GALNT17: variants seen among roughly 807,000 people sequenced by gnomAD.
GALNT17 encodes the protein polypeptide N-acetylgalactosaminyltransferase 17.
GALNT17 carries 29 observed loss-of-function variants against 63.7 expected under a neutral mutation model. That is an observed-to-expected ratio of 0.46 (90% CI 0.34 to 0.62). The LOEUF (loss-of-function observed/expected upper bound fraction) is 0.62, where lower values mean the gene tolerates loss of function less well. Among genes scored for constraint, GALNT17 ranks in the 20% least tolerant of loss-of-function variants. The pLI is 0.01. For missense variants in GALNT17, 603 were observed against 799.6 expected, an observed-to-expected ratio of 0.75 and a Z score of 2.97; for synonymous variants, 305 against 318.3, an observed-to-expected ratio of 0.96 and a Z score of 0.45.
chr7:71,509,052 G>A (rs538349335), intron 5 of GALNT17, among the ~76,000 whole-genome samples: 1 of 152,226 alleles, frequency 6.6e-6, no homozygotes, highest in South Asian at 2.1e-4. Flanking sequence ...TTTGCCTTAC[G>A]ATGGTTCGAC....
intron 1 of GALNT17, among the ~76,000 whole-genome samples, chr7:71,182,559 T>C (rs769856496): frequency 1.3e-4 from 20 of 152,258 alleles, no homozygotes; most frequent in African/African-American, 1.7e-4. Context: ...CATTTAACAT[T>C]TGTAGGCAAT....
intron 5 of GALNT17, among the ~76,000 whole-genome samples, chr7:71,539,734 A>C: frequency 1.4e-4 from 1 of 7,238 alleles, no homozygotes; most frequent in Non-Finnish European, 3.6e-4. Flanking sequence ...TTTTTTTTTG[A>C]GGCACGGTCT....
chr7:71,614,764 G>A (rs994517826), intron 6 of GALNT17, among the ~76,000 whole-genome samples: 2 of 147,810 alleles, frequency 1.4e-5, no homozygotes, highest in Non-Finnish European at 3.0e-5. Flanking sequence ...GAAACAGAAA[G>A]AGAAAGAAAC....
At chr7:71,613,917 A>G (rs74685721) in intron 6 of GALNT17, among the ~76,000 whole-genome samples, 17,440 of 151,674 alleles carry the variant, frequency 0.11, 1,140 homozygotes, top group Non-Finnish European at 0.15. Flanking sequence ...GAGTCACTAC[A>G]TTGCAGCCTG....
chr7:71,338,665 G>A (rs1460657559), intron 2 of GALNT17, among the ~76,000 whole-genome samples: 1 of 152,186 alleles, frequency 6.6e-6, no homozygotes, highest in Non-Finnish European at 1.5e-5. Flanking sequence ...AAACCCCTGT[G>A]TTCCAGGCAG....
Position 71,268,568 on chromosome 7 carries a change from T to C in GALNT17, c.239-66982T>C, listed in dbSNP as rs1189703197. The stretch of plus-strand genomic sequence containing the variant: ...CCATCTCAATAAATAAATAAATAAA[T>C]AAATAAATAAATAAATAAATAAATA... On this transcript the variant is annotated intron_variant, in intron 1 of 10. Transcript: ENST00000333538. Among the ~76,000 whole-genome samples the C allele has an allele frequency of 4.0e-5, 6 of 148,984 alleles. No homozygotes were observed. The Admixed American group carries it at 4.0e-4, about 10-fold the overall frequency.
chr7:71,444,248 C>G (rs555087547), intron 5 of GALNT17, among the ~76,000 whole-genome samples: 5 of 152,300 alleles, frequency 3.3e-5, no homozygotes, highest in Admixed American at 6.5e-5. Context: ...TGGCCACATT[C>G]CCCTACCCAT....
At chr7:71,362,398 A>C (rs1792420166) in intron 2 of GALNT17, among the ~76,000 whole-genome samples, 1 of 152,196 alleles carries the variant, frequency 6.6e-6, no homozygotes, top group South Asian at 2.1e-4. Flanking sequence ...ACTTAACAGC[A>C]ATTAGAATGT....
At chr7:71,659,918 C>A (rs1790881451) in intron 6 of GALNT17, among the ~76,000 whole-genome samples, 1 of 152,196 alleles carries the variant, frequency 6.6e-6, no homozygotes. Context: ...GGGATGCTTT[C>A]TCTGAGCCCA....
chr7:71,486,705 A>T (rs942295561), intron 5 of GALNT17, among the ~76,000 whole-genome samples: 4 of 138,804 alleles, frequency 2.9e-5, no homozygotes, highest in Middle Eastern at 3.6e-3. Flanking sequence ...TAAGTCAATT[A>T]AAAAAAAAAA....
chr7:71,629,414 C>A (rs1790424546), intron 6 of GALNT17, among the ~76,000 whole-genome samples: 1 of 152,172 alleles, frequency 6.6e-6, no homozygotes, highest in South Asian at 2.1e-4. Flanking sequence ...CTCAGAACAT[C>A]ATCTAACAAT....
intron 6 of GALNT17, among the ~76,000 whole-genome samples, chr7:71,577,749 C>G (rs866984372): frequency 2.0e-5 from 3 of 152,146 alleles, no homozygotes; most frequent in East Asian, 1.9e-4. Flanking sequence ...AACCCAGATG[C>G]CTTAATTGCT....
chr7:71,153,144 A>C (rs1451446424), intron 1 of GALNT17, among the ~76,000 whole-genome samples: 3 of 130,232 alleles, frequency 2.3e-5, no homozygotes, highest in African/African-American at 9.0e-5. Context: ...AAGGAATCTC[A>C]AACTTCCTTT....
chr7:71,674,038 G>A (rs1427014641), intron 8 of GALNT17, among the ~76,000 whole-genome samples: 1 of 152,202 alleles, frequency 6.6e-6, no homozygotes, highest in Non-Finnish European at 1.5e-5. Flanking sequence ...GGGTGGCATT[G>A]GGGGTGACAT....
intron 1 of GALNT17, among the ~76,000 whole-genome samples, chr7:71,151,263 A>T (rs1788127451): frequency 6.6e-6 from 1 of 152,152 alleles, no homozygotes; most frequent in South Asian, 2.1e-4. Flanking sequence ...GGATGGTGAG[A>T]TGGTTGGATT....
At chr7:71,458,350 G>A (rs535766433) in intron 5 of GALNT17, among the ~76,000 whole-genome samples, 6 of 152,288 alleles carry the variant, frequency 3.9e-5, no homozygotes, top group Admixed American at 2.0e-4. Flanking sequence ...TTAATAGGAC[G>A]GGGAGCAAGT....
At chr7:71,196,793 A>G (rs1266337427) in intron 1 of GALNT17, among the ~76,000 whole-genome samples, 1 of 151,878 alleles carries the variant, frequency 6.6e-6, no homozygotes, top group African/African-American at 2.4e-5. Context: ...AGCTGGGACT[A>G]CAGGTGCGCG....
chr7:71,388,499 C>A (rs1792991703), intron 3 of GALNT17, 98 bp downstream of exon 3: 1 of 1,409,860 alleles, frequency 7.1e-7, no homozygotes, highest in Non-Finnish European at 9.7e-7. Flanking sequence ...TCTCCTGGTC[C>A]CTGGAGCATA....
chr7:71,602,191 G>A (rs961495914), intron 6 of GALNT17, among the ~76,000 whole-genome samples: 6 of 152,222 alleles, frequency 3.9e-5, no homozygotes, highest in South Asian at 4.1e-4. Context: ...ATCAAAATGC[G>A]TAGAGTATTT....
Sources: allele counts gnomAD v4.1 joint callset (sites outside exome capture counted in the v4.1 genomes callset), GRCh38; gene constraint gnomAD v4.1.1; transcripts MANE v1.5; gene names NCBI Gene and HGNC (gene_info 2026-07-23, HGNC 2026-07-21).